Variants in IL17F observed in about 807,000 individuals in gnomAD.
The protein encoded by IL17F is interleukin-17F.
A neutral mutation model predicts 8.3 loss-of-function variants in IL17F; 6 were observed. The observed-to-expected ratio is 0.73, with a 90% CI of 0.40 to 1.43. The LOEUF is 1.43. Ranked by LOEUF, IL17F falls within the 40% of genes most tolerant of loss-of-function variation. IL17F has a pLI of 0.02. For missense variants in IL17F, 204 were observed against 209.6 expected (o/e 0.97, Z 0.17); for synonymous variants, 98 against 81.6 (o/e 1.20, Z -1.08).
chr6:52,237,055 A>G lies in IL17F; in HGVS notation c.368T>C (p.Ile123Thr), dbSNP rs570911210. 1 of 1,614,232 alleles carries G rather than the reference A, an allele frequency of 6.2e-7. No individual in the cohort carries two copies. Among genetic ancestry groups the G allele is most frequent in the African/African-American group, 1.3e-5 (1 of 75,066 alleles). Reference protein sequence around the residue: ...KEDISMNSVPIQQETLVVRRK... With the variant: ...KEDISMNSVPTQQETLVVRRK... ...CCGGACGACCAGGGTCTCTTGCTGG[A>G]TGGGAACGGAATTCATGGAGATGTC... The change falls in exon 3 of 3, where the codon ATC becomes ACC. Residue 123 changes from isoleucine (I) to threonine (T), a missense_variant. By Grantham distance (89) the Ile-to-Thr change is moderately conservative (BLOSUM62 -1). Coordinates refer to ENST00000336123, the MANE Select transcript of IL17F (RefSeq NM_052872.4).
chr6:52,239,015 G>T, intron 1 of IL17F, 65 bp from the exon 2 acceptor site: 1 of 1,399,352 alleles, frequency 7.1e-7, no homozygotes, highest in Non-Finnish European at 1.0e-6. Context: ...GAGATGCATG[G>T]TCTGGCGGAA....
At chr6:52,243,856 A>G (rs1003092746) in intron 1 of IL17F, among the ~76,000 whole-genome samples, 2 of 152,066 alleles carry the variant, frequency 1.3e-5, no homozygotes. Flanking sequence ...TCCGCCTCCC[A>G]GGTTCAAGCC....
chr6:52,239,616 A>T (rs1764034748), intron 1 of IL17F, among the ~76,000 whole-genome samples: 1 of 152,152 alleles, frequency 6.6e-6, no homozygotes, highest in African/African-American at 2.4e-5. Context: ...ATCATCTAGC[A>T]CTCAAGCAGC....
At chr6:52,244,367 C>T in intron 1 of IL17F, 30 bp downstream of exon 1, 1 of 1,609,584 alleles carries the variant, frequency 6.2e-7, no homozygotes, top group Non-Finnish European at 8.5e-7. Context: ...GCATGACAGT[C>T]CTTAAACCAG....
intron 1 of IL17F, among the ~76,000 whole-genome samples, chr6:52,239,526 A>G (rs1764032829): frequency 6.6e-6 from 1 of 152,190 alleles, no homozygotes; most frequent in African/African-American, 2.4e-5. Context: ...GGCCCAGCTC[A>G]GATGTGATCT....
rs117507014 is a variant in IL17F at position 52,242,595 on chromosome 6, T to C, written c.33+1802A>G. On this transcript the variant is annotated intron_variant, in intron 1 of 2. Transcript: ENST00000336123. ...TGCAATGGCTTTAAATTCACAAATC[T>C]TGCCTCTGAACCAAAGAAAAGCATA... Among the ~76,000 whole-genome samples, 581 of 152,280 alleles carry C rather than the reference T, an allele frequency of 3.8e-3. 26 individuals are homozygous for C. In the East Asian group the frequency reaches 0.11, roughly 28 times the overall value.
chr6:52,237,052 T>G lies in IL17F; in HGVS notation c.371A>C (p.Gln124Pro), dbSNP rs1254250235. The G allele has an allele frequency of 1.9e-6, 3 of 1,614,130 alleles. No homozygotes were observed. Among genetic ancestry groups the G allele is most frequent in the Non-Finnish European group, 2.5e-6 (3 of 1,180,044 alleles). ...CCTCCGGACGACCAGGGTCTCTTGC[T>G]GGATGGGAACGGAATTCATGGAGAT... is the stretch of plus-strand genomic sequence containing the variant. ...EDISMNSVPIQQETLVVRRKH... is the reference protein window; with the variant it reads ...EDISMNSVPIPQETLVVRRKH... Residue 124 changes from glutamine (Q) to proline (P), a missense_variant, in exon 3 of 3, where the codon CAG (glutamine) becomes CCG (proline). Gln to Pro is a moderately conservative substitution (Grantham distance 76, BLOSUM62 -1). Coordinates refer to ENST00000336123, the MANE Select transcript of IL17F (RefSeq NM_052872.4).
At chr6:52,245,049 T>A (rs991596533), upstream of IL17F, among the ~76,000 whole-genome samples, 2 of 152,236 alleles carry the variant, frequency 1.3e-5, no homozygotes, top group Non-Finnish European at 2.9e-5. Flanking sequence ...AACCCCATGG[T>A]TAGACTCCTA....
intron 1 of IL17F, among the ~76,000 whole-genome samples, chr6:52,241,454 T>C (rs1157082539): frequency 6.6e-6 from 1 of 152,004 alleles, no homozygotes; most frequent in East Asian, 1.9e-4. Context: ...ACCAATCACA[T>C]ATTTAGGGTT....
Position 52,240,587 on chromosome 6 carries a change from T to C in IL17F, c.34-1637A>G, listed in dbSNP as rs116835701. Among the ~76,000 whole-genome samples the C allele has an allele frequency of 6.2e-3, 949 of 152,062 alleles. 15 individuals are homozygous for C. The highest frequency in any genetic ancestry group is 0.022 in the African/African-American group (903 of 41,454). On this transcript the variant is annotated intron_variant, in intron 1 of 2. Transcript: ENST00000336123. ...GGCCTTCCTTTTCATATTTTGCAGA[T>C]ACTAGAGACAAAAAACAATAAGAGT...
At position 52,236,915 on chromosome 6, in the gene IL17F, A is replaced by G; in HGVS notation, c.*16T>C. On this transcript the variant is annotated 3_prime_UTR_variant, in exon 3 of 3. Coordinates refer to ENST00000336123, the MANE Select transcript of IL17F (RefSeq NM_052872.4). ...GGCATTTCTACAGCTTCTTCAGCTG[A>G]GTGGATATGCACCTCTTACTGCACA... is the stretch of plus-strand genomic sequence containing the variant. The G allele has an allele frequency of 6.3e-7, 1 of 1,595,388 alleles. No homozygotes were observed. Among genetic ancestry groups the G allele is most frequent in the Non-Finnish European group, 8.6e-7 (1 of 1,162,972 alleles).
At chr6:52,238,673 A>G (rs1187932830) in intron 2 of IL17F, 57 bp downstream of exon 2, 4 of 1,367,260 alleles carry the variant, frequency 2.9e-6, no homozygotes, top group Non-Finnish European at 4.1e-6. Flanking sequence ...CTTTATGATT[A>G]GAATGAATTA....
chr6:52,239,109 A>C, intron 1 of IL17F, 159 bp from the exon 2 acceptor site: 1 of 680,232 alleles, frequency 1.5e-6, no homozygotes, highest in Non-Finnish European at 2.6e-6. Flanking sequence ...CTCACACCTA[A>C]AGGTATCAAG....
At chr6:52,240,348 A>T (rs1764051300) in intron 1 of IL17F, among the ~76,000 whole-genome samples, 1 of 151,482 alleles carries the variant, frequency 6.6e-6, no homozygotes, top group South Asian at 2.1e-4. Flanking sequence ...GAGGCAGGAG[A>T]ATCCTTTGAA....
intron 1 of IL17F, among the ~76,000 whole-genome samples, chr6:52,241,170 C>A (rs540417677): frequency 6.6e-6 from 1 of 152,222 alleles, no homozygotes; most frequent in South Asian, 2.1e-4. Context: ...TCTCCGCCTC[C>A]CAGGTTCAAG....
intron 1 of IL17F, among the ~76,000 whole-genome samples, chr6:52,240,411 T>G (rs1417460788): frequency 2.3e-5 from 3 of 129,784 alleles, no homozygotes; most frequent in African/African-American, 8.9e-5. Flanking sequence ...CACTCCAGCC[T>G]GGGCGACAGT....
At position 52,237,306 on chromosome 6, in the gene IL17F, C is replaced by T. The variant is rs1036675685; in HGVS notation, c.255-138G>A. 12 of 657,240 alleles carry T rather than the reference C, an allele frequency of 1.8e-5. No individual in the cohort carries two copies. In the Admixed American group the frequency reaches 3.1e-4, roughly 17 times the overall value. The allele number at this position is 657,240 out of a possible 1,614,324, so 40.7% of individuals were successfully genotyped here. A position where few individuals can be genotyped will look rare whatever the true frequency, so the allele number is the denominator to read the frequency against. On this transcript the variant is annotated intron_variant, in intron 2 of 2. Coordinates refer to ENST00000336123, the MANE Select transcript of IL17F (RefSeq NM_052872.4). ...TGGCACAGGTTCTGGAGCCACACAG[C>T]CTGGAAGCATACACCAGCCTCTGGC...
chr6:52,241,498 C>T (rs1162711902), intron 1 of IL17F, among the ~76,000 whole-genome samples: 4 of 152,150 alleles, frequency 2.6e-5, no homozygotes, highest in Non-Finnish European at 5.9e-5. Flanking sequence ...TTTTCTCTTT[C>T]CTCTTCTGTG....
At chr6:52,240,763 A>C (rs1764059151) in intron 1 of IL17F, among the ~76,000 whole-genome samples, 1 of 152,068 alleles carries the variant, frequency 6.6e-6, no homozygotes, top group African/African-American at 2.4e-5. Context: ...ACAATCGTTC[A>C]TTCATTCAAC....
Sources: gnomAD v4.1 joint callset for allele counts (sites outside exome capture counted in the v4.1 genomes callset) on GRCh38, gnomAD v4.1.1 for gene constraint, MANE v1.5 for transcripts, NCBI Gene and HGNC (gene_info 2026-07-23, HGNC 2026-07-21) for gene names.